AGBL1: variants seen among roughly 807,000 people sequenced by gnomAD.
AGBL1 encodes AGBL carboxypeptidase 1, also known as cytosolic carboxypeptidase 4.
Under a neutral mutation model 118.9 loss-of-function variants are expected in AGBL1, and 130 were observed. The ratio of observed to expected loss-of-function variants is 1.09; its 90% CI spans 0.95 to 1.26. The LOEUF is 1.26. Ranked by LOEUF, AGBL1 falls within the 50% of genes most tolerant of loss-of-function variation. The pLI, the probability that AGBL1 is intolerant of heterozygous loss-of-function variation, is 0.00. For missense variants in AGBL1, 1,584 were observed against 1,298.1 expected (o/e 1.22, Z -3.38); for synonymous variants, 555 against 478.9 (o/e 1.16, Z -2.08).
chr15:86,938,046 G>A (rs900451372), intron 23 of AGBL1, among the ~76,000 whole-genome samples: 7 of 147,588 alleles, frequency 4.7e-5, no homozygotes, highest in Admixed American at 4.2e-4. Context: ...GTCTCTTATT[G>A]TTCCTTGTTT....
intron 1 of AGBL1, among the ~76,000 whole-genome samples, chr15:86,101,794 A>T (rs1378878897): frequency 1.3e-5 from 2 of 151,930 alleles, no homozygotes; most frequent in African/African-American, 2.4e-5. Flanking sequence ...AGTAGGCAGC[A>T]TATAGTTCAG....
intron 22 of AGBL1, among the ~76,000 whole-genome samples, chr15:86,906,355 G>A (rs1044182660): frequency 1.1e-4 from 17 of 152,166 alleles, no homozygotes; most frequent in Non-Finnish European, 1.9e-4. Flanking sequence ...CCCTTCTATC[G>A]CTTGCTGGTC....
intron 19 of AGBL1, among the ~76,000 whole-genome samples, chr15:86,544,887 G>A (rs930853382): frequency 6.6e-6 from 1 of 152,162 alleles, no homozygotes; most frequent in Non-Finnish European, 1.5e-5. Context: ...TAGAAAAAAA[G>A]TTGTGGTCTT....
chr15:86,227,374 A>G (rs776828666), intron 6 of AGBL1, among the ~76,000 whole-genome samples: 5 of 152,250 alleles, frequency 3.3e-5, no homozygotes, highest in Admixed American at 6.5e-5. Context: ...CATTCTTTCT[A>G]ACACTAAATA....
intron 21 of AGBL1, among the ~76,000 whole-genome samples, chr15:86,614,248 G>A (rs1056037982): frequency 2.0e-5 from 3 of 152,090 alleles, no homozygotes; most frequent in Non-Finnish European, 4.4e-5. Context: ...TGACCCTGGG[G>A]CTCTTGCCTT....
intron 22 of AGBL1, among the ~76,000 whole-genome samples, chr15:86,898,283 G>A (rs7169692): frequency 0.18 from 27,331 of 152,020 alleles, 3,126 homozygotes; most frequent in African/African-American, 0.33. Flanking sequence ...TCTGATTCCT[G>A]TGTCCAGGAT....
intron 23 of AGBL1, among the ~76,000 whole-genome samples, chr15:86,921,612 G>A (rs1317694459): frequency 6.6e-6 from 1 of 152,108 alleles, no homozygotes; most frequent in South Asian, 2.1e-4. Flanking sequence ...TGGGGAGGGA[G>A]AATGAGGAGG....
chr15:86,638,087 C>T (rs999892972), intron 21 of AGBL1, among the ~76,000 whole-genome samples: 1 of 152,126 alleles, frequency 6.6e-6, no homozygotes, highest in African/African-American at 2.4e-5. Flanking sequence ...TTCTCATCTT[C>T]TTTCAACTTG....
intron 18 of AGBL1, among the ~76,000 whole-genome samples, chr15:86,401,198 C>G (rs142495279): frequency 3.0e-4 from 45 of 152,114 alleles, no homozygotes; most frequent in African/African-American, 1.0e-3. Context: ...TTTGCATTTC[C>G]TTTATAATTA....
intron 22 of AGBL1, among the ~76,000 whole-genome samples, chr15:86,850,480 C>G (rs2079392814): frequency 6.6e-6 from 1 of 152,198 alleles, no homozygotes; most frequent in South Asian, 2.1e-4. Context: ...CCCAATCGTC[C>G]TCACACCATG....
intron 22 of AGBL1, among the ~76,000 whole-genome samples, chr15:86,739,086 C>T (rs1348345053): frequency 6.6e-6 from 1 of 151,998 alleles, no homozygotes; most frequent in Non-Finnish European, 1.5e-5. Flanking sequence ...GTTGATGCTG[C>T]AGTGAGCCAT....
At chr15:86,403,645 C>T (rs922197241) in intron 18 of AGBL1, among the ~76,000 whole-genome samples, 1 of 152,160 alleles carries the variant, frequency 6.6e-6, no homozygotes, top group African/African-American at 2.4e-5. Context: ...TATTGTCTTA[C>T]TTAATCATCA....
intron 18 of AGBL1, among the ~76,000 whole-genome samples, chr15:86,421,680 A>G (rs1323311401): frequency 1.3e-5 from 2 of 152,178 alleles, no homozygotes; most frequent in Admixed American, 1.3e-4. Context: ...AGTCAAGACC[A>G]ATCGGTGTGC....
chr15:86,324,703 G>A (rs2080158500), intron 17 of AGBL1, among the ~76,000 whole-genome samples: 1 of 152,282 alleles, frequency 6.6e-6, no homozygotes, highest in South Asian at 2.1e-4. Context: ...AACAAAAAAA[G>A]TGGGTGGTAG....
At chr15:86,799,182 TTTA>T (rs750255130) in intron 22 of AGBL1, among the ~76,000 whole-genome samples, 2 of 151,738 alleles carry the variant, frequency 1.3e-5, no homozygotes, top group Non-Finnish European at 2.9e-5. Flanking sequence ...TTTATTTTAT[TTTA>T]TTATTATTAT....
chr15:86,342,541 G>A (rs1330859419), intron 17 of AGBL1, among the ~76,000 whole-genome samples: 1 of 152,168 alleles, frequency 6.6e-6, no homozygotes, highest in African/African-American at 2.4e-5. Flanking sequence ...TCATGTGGAT[G>A]CCTGCTGTTT....
At chr15:86,383,160 T>C (rs2081135150) in intron 17 of AGBL1, among the ~76,000 whole-genome samples, 1 of 144,892 alleles carries the variant, frequency 6.9e-6, no homozygotes, top group Non-Finnish European at 1.5e-5. Flanking sequence ...ATGTCAGCTG[T>C]CTTAAATAGC....
At chr15:86,974,671 G>T (rs1323310074) in intron 23 of AGBL1, among the ~76,000 whole-genome samples, 1 of 148,036 alleles carries the variant, frequency 6.8e-6, no homozygotes, top group Non-Finnish European at 1.5e-5. Context: ...AAGATCAAAA[G>T]GAATAATAGC....
intron 17 of AGBL1, among the ~76,000 whole-genome samples, chr15:86,313,670 A>G (rs893001545): frequency 6.6e-6 from 1 of 152,222 alleles, no homozygotes; most frequent in African/African-American, 2.4e-5. Context: ...CCAATAATTG[A>G]TTAATAATAC....
Sources: allele counts gnomAD v4.1 joint callset (sites outside exome capture counted in the v4.1 genomes callset), GRCh38; gene constraint gnomAD v4.1.1; transcripts MANE v1.5; gene names NCBI Gene and HGNC (gene_info 2026-07-23, HGNC 2026-07-21).